Variants in PTPRK observed in about 807,000 individuals in gnomAD.
The protein encoded by PTPRK is protein tyrosine phosphatase receptor type K.
PTPRK carries 75 observed loss-of-function variants against 178.0 expected under a neutral mutation model. The ratio of observed to expected loss-of-function variants is 0.42; its 90% CI spans 0.35 to 0.51. PTPRK has a LOEUF of 0.51. PTPRK is among the 20% of genes least tolerant of loss of function. The probability of loss-of-function intolerance (pLI) is 0.02; values close to 1 mark genes in which losing one functional copy is unlikely to be tolerated. For missense variants in PTPRK, 1,441 were observed against 1,797.8 expected (o/e 0.80, Z 3.59); for synonymous variants, 637 against 620.6 (o/e 1.03, Z -0.39).
chr6:128,474,797 G>A (rs781642230), intron 1 of PTPRK, among the ~76,000 whole-genome samples: 31 of 152,056 alleles, frequency 2.0e-4, no homozygotes, highest in African/African-American at 2.9e-4. Flanking sequence ...TGGGTGTTGC[G>A]AATGCATTTA....
At chr6:128,402,253 G>GT (rs1342270959) in intron 1 of PTPRK, among the ~76,000 whole-genome samples, 1 of 56,504 alleles carries the variant, frequency 1.8e-5, no homozygotes, top group Non-Finnish European at 4.1e-5. Context: ...TTGTTTGTTT[G>GT]TTTTTGTTTT....
At chr6:128,039,342 A>T (rs140466125) in intron 13 of PTPRK, among the ~76,000 whole-genome samples, 67 of 152,312 alleles carry the variant, frequency 4.4e-4, no homozygotes, top group African/African-American at 1.6e-3. Context: ...AATTTAAAAA[A>T]CAGTGTATTT....
At chr6:128,070,659 C>G (rs1445369734) in intron 11 of PTPRK, among the ~76,000 whole-genome samples, 1 of 151,902 alleles carries the variant, frequency 6.6e-6, no homozygotes, top group East Asian at 1.9e-4. Flanking sequence ...ACTCTATAAC[C>G]CTCCCACTCT....
At chr6:128,120,163 T>C (rs1365096820) in intron 7 of PTPRK, among the ~76,000 whole-genome samples, 3 of 151,988 alleles carry the variant, frequency 2.0e-5, no homozygotes, top group Non-Finnish European at 2.9e-5. Context: ...CAAGCACGAC[T>C]AATATTAATT....
intron 3 of PTPRK, among the ~76,000 whole-genome samples, chr6:128,295,637 C>T (rs544632428): frequency 4.6e-5 from 7 of 152,080 alleles, no homozygotes; most frequent in Non-Finnish European, 4.4e-5. Context: ...TCTTGCTTCT[C>T]ATTCTCATTT....
chr6:128,470,819 A>G (rs886866081), intron 1 of PTPRK, among the ~76,000 whole-genome samples: 8 of 147,242 alleles, frequency 5.4e-5, no homozygotes, highest in African/African-American at 2.0e-4. Context: ...TGGGCTATAC[A>G]GCTTAACATC....
intron 7 of PTPRK, among the ~76,000 whole-genome samples, chr6:128,132,267 C>T (rs561502701): frequency 2.6e-5 from 4 of 152,302 alleles, no homozygotes; most frequent in Admixed American, 2.0e-4. Context: ...CTCCGCCTGC[C>T]GGGTTCATGC....
At chr6:128,200,772 A>G (rs1255159220) in intron 6 of PTPRK, among the ~76,000 whole-genome samples, 3 of 147,808 alleles carry the variant, frequency 2.0e-5, no homozygotes, top group Non-Finnish European at 4.5e-5. Flanking sequence ...TGAGAAGTCA[A>G]TGGAGTGGTC....
intron 5 of PTPRK, among the ~76,000 whole-genome samples, chr6:128,236,503 C>T (rs1431459347): frequency 6.6e-6 from 1 of 151,848 alleles, no homozygotes; most frequent in African/African-American, 2.4e-5. Flanking sequence ...CGCGCACCAC[C>T]ACGCCCGGCT....
chr6:128,261,249 T>C (rs1818131282), intron 3 of PTPRK, among the ~76,000 whole-genome samples: 2 of 152,178 alleles, frequency 1.3e-5, no homozygotes, highest in African/African-American at 2.4e-5. Flanking sequence ...TGATTAAAGA[T>C]GTAAAAGCAG....
rs560677605 is a variant in PTPRK, at chr6:128,519,884, C to G, written c.100+375G>C. Reference sequence around the variant, plus strand: ...CTTCCCAGGGAATTTGTTTAAACACCCAAGTGGCAGACAGCAACAAACCCG... The same window carrying G: ...CTTCCCAGGGAATTTGTTTAAACACGCAAGTGGCAGACAGCAACAAACCCG... On this transcript the variant is annotated intron_variant, in intron 1 of 29. Transcript: ENST00000368226. The surrounding 1 kb of genome is among the most constrained non-coding windows in gnomAD (Gnocchi z 4.3). Among the ~76,000 whole-genome samples the G allele has an allele frequency of 1.3e-5, 2 of 152,300 alleles. No homozygotes were observed. The highest frequency in any genetic ancestry group is 1.9e-4 in the East Asian group (1 of 5,160).
intron 5 of PTPRK, among the ~76,000 whole-genome samples, chr6:128,239,757 T>G (rs1264288683): frequency 6.6e-6 from 1 of 152,228 alleles, no homozygotes; most frequent in Non-Finnish European, 1.5e-5. Flanking sequence ...CAAATGGATC[T>G]ACAGAATTTT....
chr6:128,087,782 C>A (rs1157921556), intron 8 of PTPRK, among the ~76,000 whole-genome samples: 6 of 152,016 alleles, frequency 3.9e-5, no homozygotes, highest in Non-Finnish European at 8.8e-5. Context: ...ATGAGTAACT[C>A]CATGTATAGT....
chr6:128,486,808 GGAAGGAAGGAAA>G (rs2128426745), intron 1 of PTPRK, among the ~76,000 whole-genome samples: 1 of 148,738 alleles, frequency 6.7e-6, no homozygotes, highest in South Asian at 2.1e-4. Context: ...CAGAAAGGAA[GGAAGGAAGGAAA>G]GAAGGAAGGA....
chr6:128,367,070 C>A (rs1237397298), intron 2 of PTPRK, among the ~76,000 whole-genome samples: 1 of 152,098 alleles, frequency 6.6e-6, no homozygotes, highest in Non-Finnish European at 1.5e-5. Context: ...ATTATAGTAC[C>A]TTGGTCTCTA....
intron 7 of PTPRK, among the ~76,000 whole-genome samples, chr6:128,109,912 G>A (rs1206836917): frequency 6.6e-6 from 1 of 151,902 alleles, no homozygotes; most frequent in Non-Finnish European, 1.5e-5. Flanking sequence ...CTTTTTTGGG[G>A]GGGGAGGAGG....
intron 3 of PTPRK, among the ~76,000 whole-genome samples, chr6:128,251,801 C>G (rs917703912): frequency 6.6e-6 from 1 of 152,092 alleles, no homozygotes; most frequent in African/African-American, 2.4e-5. Context: ...ACCAGGTATT[C>G]TTTAATAAAA....
At chr6:128,174,906 T>C (rs1340474774) in intron 7 of PTPRK, among the ~76,000 whole-genome samples, 1 of 151,882 alleles carries the variant, frequency 6.6e-6, no homozygotes, top group Non-Finnish European at 1.5e-5. Context: ...ATGTCTACCT[T>C]CTAACCATTC....
At chr6:128,482,949 G>A (rs1852286400) in intron 1 of PTPRK, among the ~76,000 whole-genome samples, 1 of 152,120 alleles carries the variant, frequency 6.6e-6, no homozygotes, top group African/African-American at 2.4e-5. Flanking sequence ...ACCACTTGAT[G>A]CACCAACATT....
Sources: allele counts gnomAD v4.1 joint callset (sites outside exome capture counted in the v4.1 genomes callset), GRCh38; gene constraint gnomAD v4.1.1; non-coding constraint Gnocchi (gnomAD v3.1); transcripts MANE v1.5; gene names NCBI Gene and HGNC (gene_info 2026-07-23, HGNC 2026-07-21).